Variants in WDR44 observed in about 807,000 individuals in gnomAD.
The protein encoded by WDR44 is WD repeat domain 44, also known as WD repeat-containing protein 44.
In WDR44, 9 loss-of-function variants were observed where a neutral mutation model predicts 65.7. That is an observed-to-expected ratio of 0.14 (90% CI 0.08 to 0.24). The LOEUF (loss-of-function observed/expected upper bound fraction) is 0.24, where lower values mean the gene tolerates loss of function less well. Ranked by LOEUF, WDR44 falls within the 10% of genes least tolerant of loss-of-function variation. WDR44 has a pLI of 1.00. For synonymous variants in WDR44, 220 were observed against 235.2 expected, an observed-to-expected ratio of 0.94 and a Z score of 0.59; for missense variants, 425 against 670.9, an observed-to-expected ratio of 0.63 and a Z score of 4.05.
At chrX:118,370,100 A>T (rs2802613) in intron 1 of WDR44, among the ~76,000 whole-genome samples, 29,442 of 111,241 alleles carry the variant, frequency 0.26, 3,174 homozygotes, top group African/African-American at 0.39. Flanking sequence ...AGGCAATGAT[A>T]TTTTGGATTT....
chrX:118,396,043 T>TAATAATA (rs34451959), intron 6 of WDR44, among the ~76,000 whole-genome samples: 5 of 108,951 alleles, frequency 4.6e-5, no homozygotes, highest in Admixed American at 2.0e-4. Flanking sequence ...TTTAAAATAA[T>TAATAATA]ATAATAATAA....
At chrX:118,434,085 A>C (rs1341566313) in intron 13 of WDR44, among the ~76,000 whole-genome samples, 3 of 112,420 alleles carry the variant, frequency 2.7e-5, no homozygotes, top group Admixed American at 9.5e-5. Context: ...CACTACAAGG[A>C]AACAGGATGA....
intron 12 of WDR44, among the ~76,000 whole-genome samples, chrX:118,417,004 C>T (rs138327164): frequency 2.5e-4 from 28 of 111,989 alleles, no homozygotes; most frequent in Middle Eastern, 4.6e-3. Flanking sequence ...ATAAGAATAG[C>T]TACCCCTGTT....
chrX:118,390,165 G>A (rs1359834786), intron 3 of WDR44, among the ~76,000 whole-genome samples: 3 of 110,188 alleles, frequency 2.7e-5, no homozygotes, highest in Non-Finnish European at 3.8e-5. Context: ...CAGTTGATCC[G>A]CCCACCTCAG....
chrX:118,427,665 C>T (rs767778823), intron 12 of WDR44, among the ~76,000 whole-genome samples: 81 of 105,432 alleles, frequency 7.7e-4, no homozygotes, highest in African/African-American at 2.7e-3. Context: ...ATGAAGTAAG[C>T]TCCATGAGGG....
At chrX:118,355,927 A>C (rs1045378316) in intron 1 of WDR44, among the ~76,000 whole-genome samples, 5 of 112,046 alleles carry the variant, frequency 4.5e-5, no homozygotes, top group Non-Finnish European at 9.4e-5. Context: ...TCCTATACCC[A>C]GTAAATATTA....
chrX:118,422,227 C>G lies in WDR44; in HGVS notation c.1738-10554C>G, dbSNP rs191563536. Among the ~76,000 whole-genome samples the G allele has an allele frequency of 5.7e-4, 42 of 73,711 alleles. No homozygotes were observed. In the African/African-American group the frequency reaches 5.8e-3, roughly 10 times the overall value. 64.0% of individuals were successfully genotyped at this position (73,711 alleles called of 115,157 possible). ...TGGGTAACATAACAAGACTATGTCT[C>G]TATTTAAAAAAAAAAAATATATAGC... On this transcript the variant is annotated intron_variant, in intron 12 of 19. Coordinates refer to ENST00000254029, the MANE Select transcript of WDR44 (RefSeq NM_019045.5).
intron 9 of WDR44, among the ~76,000 whole-genome samples, chrX:118,405,321 C>T (rs895099041): frequency 1.8e-5 from 2 of 110,986 alleles, no homozygotes; most frequent in Admixed American, 1.9e-4. Flanking sequence ...CAGGCATGAG[C>T]CACCACGTCT....
At chrX:118,381,589 T>G (rs1202726539) in intron 2 of WDR44, among the ~76,000 whole-genome samples, 68 of 105,578 alleles carry the variant, frequency 6.4e-4, no homozygotes, top group African/African-American at 2.3e-3. Context: ...TTTTTTTTTT[T>G]TTTGATGGAG....
In WDR44 at chrX:118,346,132, C is replaced by T. The variant is rs926848675; in HGVS notation, c.-372C>T. 1.0e-5 allele frequency: 3 copies of T among 300,528 alleles called. No individual in the cohort carries two copies. The highest frequency in any genetic ancestry group is 1.7e-5 in the Non-Finnish European group (3 of 172,583). The allele number at this position is 300,528 out of a possible 1,213,427, so 24.8% of individuals were successfully genotyped here. Reference sequence around the variant, plus strand: ...GTATTTTGCGGGCAACTAGCTCTTCCAGCTGCTGTAAATTGCTGCTGCGGG... The same window carrying T: ...GTATTTTGCGGGCAACTAGCTCTTCTAGCTGCTGTAAATTGCTGCTGCGGG... On this transcript the variant is annotated 5_prime_UTR_variant, in exon 1 of 20. Coordinates refer to ENST00000254029, the MANE Select transcript of WDR44 (RefSeq NM_019045.5).
At chrX:118,351,667 C>T (rs778496342) in intron 1 of WDR44, among the ~76,000 whole-genome samples, 3 of 111,538 alleles carry the variant, frequency 2.7e-5, no homozygotes, top group East Asian at 5.6e-4. Flanking sequence ...TAGTGACATC[C>T]GGCCGGGCAC....
intron 3 of WDR44, among the ~76,000 whole-genome samples, chrX:118,389,673 TTGCGCCAC>T (rs1162048249): frequency 1.0e-5 from 1 of 97,058 alleles, no homozygotes; most frequent in Non-Finnish European, 2.0e-5. Context: ...TGAGCTGAAA[TTGCGCCAC>T]TGCACTCCAG....
rs139715082 is a variant in WDR44 at position 118,431,492 on chromosome X, G to A, written c.1738-1289G>A. 8.7e-3 allele frequency among the ~76,000 whole-genome samples: 958 copies of A among 110,735 alleles called. 6 individuals carry two copies. Among genetic ancestry groups the A allele is most frequent in the African/African-American group, 0.028 (858 of 30,486 alleles). ...CTAATACTGTGTTTTTAGTAGGGAC[G>A]GAGTTTCTCCATGTTGGTCAGGCTG... On this transcript the variant is annotated intron_variant, in intron 12 of 19. Transcript: ENST00000254029.
At chrX:118,415,270 T>C in intron 12 of WDR44, among the ~76,000 whole-genome samples, 1 of 111,786 alleles carries the variant, frequency 8.9e-6, no homozygotes, top group Non-Finnish European at 1.9e-5. Flanking sequence ...TGTTGTTGGA[T>C]TTGGTTAGCT....
intron 1 of WDR44, among the ~76,000 whole-genome samples, chrX:118,349,916 G>A (rs144706847): frequency 0.1 from 11,434 of 109,387 alleles, 622 homozygotes; most frequent in Admixed American, 0.25. Flanking sequence ...TGGCAGAACT[G>A]GGATTTGAAA....
At chrX:118,401,747 T>A (rs1270981662) in intron 8 of WDR44, among the ~76,000 whole-genome samples, 1 of 93,225 alleles carries the variant, frequency 1.1e-5, no homozygotes, top group Non-Finnish European at 2.0e-5. Flanking sequence ...TCCTTGCCCA[T>A]GCCTATGTCC....
intron 13 of WDR44, among the ~76,000 whole-genome samples, chrX:118,435,718 C>A (rs909942550): frequency 3.5e-5 from 4 of 112,694 alleles, no homozygotes; most frequent in African/African-American, 1.3e-4. Flanking sequence ...CTGAGTGGAT[C>A]TTGAAAATAA....
At chrX:118,426,312 T>C (rs1290924326) in intron 12 of WDR44, among the ~76,000 whole-genome samples, 1 of 111,626 alleles carries the variant, frequency 9.0e-6, no homozygotes, top group African/African-American at 3.3e-5. Flanking sequence ...TTTTGATAAT[T>C]GTTAAAGCAG....
At chrX:118,349,845 G>T (rs1466086042) in intron 1 of WDR44, among the ~76,000 whole-genome samples, 1 of 112,165 alleles carries the variant, frequency 8.9e-6, no homozygotes, top group Non-Finnish European at 1.9e-5. Flanking sequence ...ACCGCACCTG[G>T]CCTAGGAACC....
Sources: gnomAD v4.1 joint callset for allele counts (sites outside exome capture counted in the v4.1 genomes callset) on GRCh38, gnomAD v4.1.1 for gene constraint, MANE v1.5 for transcripts, NCBI Gene and HGNC (gene_info 2026-07-23, HGNC 2026-07-21) for gene names.